PDE4D: variants seen among roughly 807,000 people sequenced by gnomAD.
The protein encoded by PDE4D is 3',5'-cyclic-AMP phosphodiesterase 4D.
In PDE4D, 24 loss-of-function variants were observed where a neutral mutation model predicts 87.4. That is an observed-to-expected ratio of 0.27 (90% confidence interval 0.20 to 0.39). PDE4D has a LOEUF of 0.39. Among genes scored for constraint, PDE4D ranks in the 10% least tolerant of loss-of-function variants. The pLI is 1.00. For missense variants in PDE4D, 714 were observed against 1,041.0 expected, an observed-to-expected ratio of 0.69 and a Z score of 4.32; for synonymous variants, 384 against 383.2, an observed-to-expected ratio of 1.00 and a Z score of -0.02.
intron 1 of PDE4D, among the ~76,000 whole-genome samples, chr5:59,259,858 C>T (rs1761668475): frequency 6.6e-6 from 1 of 151,764 alleles, no homozygotes; most frequent in African/African-American, 2.4e-5. Flanking sequence ...GTCAGAAATT[C>T]ACATATTGCA....
At chr5:59,577,811 C>T (rs1457355575) in intron 1 of PDE4D, among the ~76,000 whole-genome samples, 1 of 151,996 alleles carries the variant, frequency 6.6e-6, no homozygotes, top group Non-Finnish European at 1.5e-5. Context: ...ATTCTCATGA[C>T]CTAGAAAATT....
intron 2 of PDE4D, among the ~76,000 whole-genome samples, chr5:60,047,492 C>T (rs1769433666): frequency 6.6e-6 from 1 of 152,134 alleles, no homozygotes; most frequent in Non-Finnish European, 1.5e-5. Flanking sequence ...CCTGCTTTCT[C>T]TTGTGGGCAT....
intron 1 of PDE4D, among the ~76,000 whole-genome samples, chr5:59,262,331 T>G (rs1762143649): frequency 6.6e-6 from 1 of 152,024 alleles, no homozygotes; most frequent in African/African-American, 2.4e-5. Context: ...AAGGACTATA[T>G]ATTTTAAGCT....
At chr5:59,894,250 T>G (rs1370489770), upstream of PDE4D, among the ~76,000 whole-genome samples, 1 of 152,186 alleles carries the variant, frequency 6.6e-6, no homozygotes, top group East Asian at 1.9e-4. Flanking sequence ...TCCGCTTGCC[T>G]CAGTGCTCTT....
At chr5:59,948,374 TA>T (rs1424781942) in intron 3 of PDE4D, among the ~76,000 whole-genome samples, 1 of 152,198 alleles carries the variant, frequency 6.6e-6, no homozygotes, top group Non-Finnish European at 1.5e-5. Context: ...AAAGCATAGG[TA>T]TATTAAATTA....
chr5:59,905,293 G>A (rs563163268), intron 3 of PDE4D, among the ~76,000 whole-genome samples: 16 of 152,104 alleles, frequency 1.1e-4, no homozygotes, highest in Non-Finnish European at 1.6e-4. Flanking sequence ...CGTGGCAAAT[G>A]TAGATCTAGA....
chr5:59,191,699 G>C (rs1328873530), intron 3 of PDE4D, among the ~76,000 whole-genome samples: 2 of 151,994 alleles, frequency 1.3e-5, no homozygotes, highest in African/African-American at 4.8e-5. Context: ...CTCCCAAGTA[G>C]CTGGGATTAC....
intron 1 of PDE4D, among the ~76,000 whole-genome samples, chr5:59,363,937 A>G (rs1488385968): frequency 2.0e-5 from 3 of 152,200 alleles, no homozygotes; most frequent in South Asian, 2.1e-4. Context: ...GTTTGTATGC[A>G]TTGTGCACTG....
chr5:60,261,281 T>C (rs1468582789), intron 1 of PDE4D, among the ~76,000 whole-genome samples: 3 of 152,030 alleles, frequency 2.0e-5, no homozygotes, highest in African/African-American at 2.4e-5. Context: ...TTGAGAAGAG[T>C]TGCTTTAGTT....
intron 1 of PDE4D, among the ~76,000 whole-genome samples, chr5:60,420,959 C>T (rs896881448): frequency 3.9e-5 from 6 of 152,152 alleles, no homozygotes; most frequent in Non-Finnish European, 5.9e-5. Context: ...GATTGACCTG[C>T]GAGGCAGCAG....
intron 6 of PDE4D, among the ~76,000 whole-genome samples, chr5:59,030,158 A>G (rs1757079591): frequency 6.6e-6 from 1 of 152,142 alleles, no homozygotes; most frequent in African/African-American, 2.4e-5. Flanking sequence ...CCAAAAGCAC[A>G]GGCAACTAAA....
intron 1 of PDE4D, chr5:59,217,245 G>A (rs1272475643): frequency 6.6e-6 from 3 of 455,912 alleles, no homozygotes; most frequent in South Asian, 4.6e-5. Flanking sequence ...CAGGTGTGTG[G>A]TTTTAAAGAA....
intron 1 of PDE4D, among the ~76,000 whole-genome samples, chr5:60,350,759 A>G (rs1186724085): frequency 2.0e-5 from 3 of 152,184 alleles, no homozygotes; most frequent in African/African-American, 7.2e-5. Context: ...TGGGCCAAAC[A>G]AAACATCTTA....
chr5:60,460,321 A>G, intron 1 of PDE4D: 1 of 1,021,434 alleles, frequency 9.8e-7, no homozygotes, highest in Non-Finnish European at 1.6e-6. Context: ...ATTTTCATCA[A>G]AATAAAAATC....
At chr5:59,200,054 C>T (rs1746530224) in intron 2 of PDE4D, among the ~76,000 whole-genome samples, 1 of 80,608 alleles carries the variant, frequency 1.2e-5, no homozygotes, top group Admixed American at 1.5e-4. Flanking sequence ...TATGTACACA[C>T]ATGCATGTAC....
chr5:59,037,652 G>A (rs940942647), intron 6 of PDE4D, among the ~76,000 whole-genome samples: 2 of 152,094 alleles, frequency 1.3e-5, no homozygotes, highest in African/African-American at 2.4e-5. Flanking sequence ...TGTGCATATG[G>A]GTAGGTTAGT....
At chr5:60,430,418 C>T (rs1188830991) in intron 1 of PDE4D, 4 of 322,924 alleles carry the variant, frequency 1.2e-5, no homozygotes, top group South Asian at 2.7e-5. Flanking sequence ...CTGAGGGCCT[C>T]GACCCTAGCT....
intron 1 of PDE4D, among the ~76,000 whole-genome samples, chr5:59,291,934 A>C (rs747224975): frequency 1.3e-5 from 2 of 151,972 alleles, no homozygotes; most frequent in African/African-American, 4.8e-5. Context: ...GAAGGGATCT[A>C]GTGTGTTCTC....
chr5:59,899,814 C>T (rs1259403830), intron 3 of PDE4D, among the ~76,000 whole-genome samples: 1 of 152,170 alleles, frequency 6.6e-6, no homozygotes, highest in African/African-American at 2.4e-5. Flanking sequence ...CAACCAGTGG[C>T]CTGGGATGAA....
Sources: gnomAD v4.1 joint callset for allele counts (sites outside exome capture counted in the v4.1 genomes callset) on GRCh38, gnomAD v4.1.1 for gene constraint, MANE v1.5 for transcripts, NCBI Gene and HGNC (gene_info 2026-07-23, HGNC 2026-07-21) for gene names.